ZNF469: variants seen among roughly 807,000 people sequenced by gnomAD.
ZNF469 encodes the protein zinc finger protein 469.
In ZNF469, 1 loss-of-function variant was observed where a neutral mutation model predicts 1.0. The observed-to-expected ratio is 1.00, with a 90% CI of 0.35 to 4.73. ZNF469 has a LOEUF of 4.73. ZNF469 is among the 30% of genes most tolerant of loss of function. The pLI, the probability that ZNF469 is intolerant of heterozygous loss-of-function variation, is 0.16. For synonymous variants in ZNF469, 2,703 were observed against 2,363.4 expected (o/e 1.14, Z -4.17); for missense variants, 6,100 against 5,356.3 (o/e 1.14, Z -4.33).
the ZNF469 span, among the ~76,000 whole-genome samples, chr16:88,308,120 C>T: frequency 6.6e-6 from 1 of 152,198 alleles, no homozygotes; most frequent in South Asian, 2.1e-4. Context: ...TGCCTTGGTG[C>T]CCTTGTTGGA....
chr16:88,260,351 G>A, the ZNF469 span, among the ~76,000 whole-genome samples: 65 of 152,260 alleles, frequency 4.3e-4, no homozygotes, highest in South Asian at 2.1e-4. The surrounding 1 kb of genome is among the most constrained non-coding windows in gnomAD (Gnocchi z 4.1). Context: ...AATACGACAC[G>A]ATGTCAGGCT....
chr16:88,246,332 A>T, the ZNF469 span, among the ~76,000 whole-genome samples: 3 of 151,944 alleles, frequency 2.0e-5, no homozygotes, highest in Admixed American at 6.6e-5. Flanking sequence ...AGGAAACTTT[A>T]CCCAGGAGAC....
intron 1 of ZNF469, among the ~76,000 whole-genome samples, chr16:88,407,237 G>A (rs911118238): frequency 2.9e-5 from 3 of 104,876 alleles, no homozygotes; most frequent in Non-Finnish European, 6.3e-5. Flanking sequence ...GAGCTCCTGC[G>A]TCACTGGGAA....
intron 1 of ZNF469, among the ~76,000 whole-genome samples, chr16:88,394,558 C>T (rs1904600840): frequency 2.6e-5 from 4 of 152,230 alleles, no homozygotes; most frequent in Admixed American, 2.6e-4. Flanking sequence ...TGGCCAGGCA[C>T]CTTGAAGGAC....
rs1906097868 is a variant in ZNF469, at chr16:88,430,669, C to T, written c.3199C>T (p.Arg1067Trp). 7 of 1,494,386 alleles carry T rather than the reference C, an allele frequency of 4.7e-6. No homozygotes were observed. The highest frequency in any genetic ancestry group is 5.3e-6 in the Non-Finnish European group (6 of 1,129,172). 92.6% of individuals were successfully genotyped at this position (1,494,386 alleles called of 1,614,324 possible). The change falls in exon 3 of 3, where the codon CGG becomes TGG. Residue 1067 changes from arginine to tryptophan, a missense_variant. By Grantham distance (101) the Arg-to-Trp change is moderately radical. Coordinates refer to ENST00000565624, the MANE Select transcript of ZNF469 (RefSeq NM_001367624.2). ...GAACAGGCGCCACCGGCGGCTGGGG[C>T]GGCGGGCGGGCAGGTGCGGCTCCCT... is the stretch of plus-strand genomic sequence containing the variant. ...QKNRRHRRLG[R>W]RAGRCGSLAA...
chr16:88,287,000 G>T, the ZNF469 span, among the ~76,000 whole-genome samples: 2 of 152,138 alleles, frequency 1.3e-5, no homozygotes, highest in Non-Finnish European at 2.9e-5. Flanking sequence ...CCTAAGTCCC[G>T]TTTTTCTTAT....
chr16:88,295,688 G>T, the ZNF469 span, among the ~76,000 whole-genome samples: 1 of 152,146 alleles, frequency 6.6e-6, no homozygotes, highest in Non-Finnish European at 1.5e-5. Flanking sequence ...ACATACATGG[G>T]CCAGGCCCCC....
the ZNF469 span, among the ~76,000 whole-genome samples, chr16:88,286,881 T>C: frequency 2.6e-5 from 4 of 152,290 alleles, no homozygotes; most frequent in African/African-American, 9.6e-5. Flanking sequence ...GACTCCCAGA[T>C]ACTGAGCTCT....
At chr16:88,351,759 G>C in the ZNF469 span, among the ~76,000 whole-genome samples, 1 of 152,120 alleles carries the variant, frequency 6.6e-6, no homozygotes, top group South Asian at 2.1e-4. Context: ...AGGGGGTTGT[G>C]CGGGGCTCCA....
At chr16:88,265,120 G>T in the ZNF469 span, among the ~76,000 whole-genome samples, 1 of 152,090 alleles carries the variant, frequency 6.6e-6, no homozygotes, top group Non-Finnish European at 1.5e-5. Flanking sequence ...GACACCTCAG[G>T]CCAAGGCGCT....
At chr16:88,116,619 C>G in the ZNF469 span, among the ~76,000 whole-genome samples, 2 of 152,212 alleles carry the variant, frequency 1.3e-5, no homozygotes, top group African/African-American at 4.8e-5. Flanking sequence ...ACACGAATGG[C>G]CACACCACGG....
the ZNF469 span, among the ~76,000 whole-genome samples, chr16:88,158,351 G>C: frequency 6.6e-6 from 1 of 152,014 alleles, no homozygotes; most frequent in African/African-American, 2.4e-5. Context: ...GGAAGCCCCC[G>C]GGGCAGGCAA....
the ZNF469 span, among the ~76,000 whole-genome samples, chr16:88,341,797 G>A: frequency 1.3e-5 from 2 of 152,172 alleles, no homozygotes; most frequent in African/African-American, 4.8e-5. Flanking sequence ...GGGCTGCCAT[G>A]CCCAGTGGGG....
Position 88,432,330 on chromosome 16 carries a change from C to T in ZNF469, c.4860C>T (p.Asp1620=). The T allele has an allele frequency of 6.5e-7, 1 of 1,548,228 alleles. No homozygotes were observed. Among genetic ancestry groups the T allele is most frequent in the Non-Finnish European group, 8.7e-7 (1 of 1,146,930 alleles). The change falls in exon 3 of 3, where the codon GAC becomes GAT. Residue 1620 remains aspartate, a synonymous_variant. Transcript: ENST00000565624. ...GCCAGGCCACCGTGCCCCACGAGGACACGTTCTCGGCAGCTGACCTCACGC... is the reference window on the plus strand; with the variant it reads ...GCCAGGCCACCGTGCCCCACGAGGATACGTTCTCGGCAGCTGACCTCACGC... ...RTCQATVPHE[D]TFSAADLTRV...
chr16:88,136,410 G>A, the ZNF469 span, among the ~76,000 whole-genome samples: 34 of 152,366 alleles, frequency 2.2e-4, no homozygotes, highest in East Asian at 5.2e-3. Flanking sequence ...TGAGGATGGC[G>A]TGTTGCAGCC....
At chr16:88,367,222 A>T in the ZNF469 span, among the ~76,000 whole-genome samples, 1 of 152,252 alleles carries the variant, frequency 6.6e-6, no homozygotes, top group African/African-American at 2.4e-5. Flanking sequence ...TTTTAACAAT[A>T]GCAACAGCAT....
At chr16:88,168,062 T>C in the ZNF469 span, among the ~76,000 whole-genome samples, 2 of 152,252 alleles carry the variant, frequency 1.3e-5, no homozygotes, top group Non-Finnish European at 2.9e-5. This position sits in a 1 kb window ranked among gnomAD's most constrained non-coding sequence, Gnocchi z 4.3. Flanking sequence ...ACGTGAGCCA[T>C]GTGTCCCTTA....
At chr16:88,213,345 C>T in the ZNF469 span, among the ~76,000 whole-genome samples, 4,910 of 152,042 alleles carry the variant, frequency 0.032, 269 homozygotes, top group African/African-American at 0.11. Context: ...GTAATCCGCT[C>T]GCCTCGGCCT....
intron 1 of ZNF469, among the ~76,000 whole-genome samples, chr16:88,411,203 C>T (rs1387404091): frequency 6.6e-6 from 1 of 152,232 alleles, no homozygotes; most frequent in Non-Finnish European, 1.5e-5. Context: ...CCCCACCCTC[C>T]ACCCAACCTC....
Sources: gnomAD v4.1 joint callset for allele counts (sites outside exome capture counted in the v4.1 genomes callset) on GRCh38, gnomAD v4.1.1 for gene constraint, Gnocchi (gnomAD v3.1) non-coding constraint, MANE v1.5 for transcripts, NCBI Gene and HGNC (gene_info 2026-07-23, HGNC 2026-07-21) for gene names.